The following YAE1 variants were observed in gnomAD, a reference collection of about 807,000 sequenced individuals.
The protein encoded by YAE1 is protein YAE1 homolog.
A neutral mutation model predicts 23.0 loss-of-function variants in YAE1; 22 were observed. The observed-to-expected ratio is 0.96, with a 90% confidence interval of 0.68 to 1.37. The LOEUF (loss-of-function observed/expected upper bound fraction) is 1.37. Ranked by LOEUF, YAE1 falls within the 40% of genes most tolerant of loss-of-function variation. YAE1 has a pLI of 0.00. For missense variants in YAE1, 260 were observed against 262.1 expected, an observed-to-expected ratio of 0.99 and a Z score of 0.06; for synonymous variants, 101 against 97.0, an observed-to-expected ratio of 1.04 and a Z score of -0.24.
At chr7:39,609,670 A>G in exon 3 of YAE1, 1 of 1,535,700 alleles carries the variant, frequency 6.5e-7, no homozygotes, top group Non-Finnish European at 8.7e-7. Flanking sequence ...AGGAGTCCGG[A>G]GGTTGGGACG....
At chr7:39,599,949 A>G (rs17714026) in intron 2 of YAE1, among the ~76,000 whole-genome samples, 1 of 152,286 alleles carries the variant, frequency 6.6e-6, no homozygotes, top group South Asian at 2.1e-4. Context: ...CATAGTATTC[A>G]ACAAATATTG....
At chr7:39,566,662 A>C (rs965020085) in intron 1 of YAE1, 115 bp downstream of exon 1, 1 of 1,430,032 alleles carries the variant, frequency 7.0e-7, no homozygotes, top group Non-Finnish European at 9.3e-7. Flanking sequence ...CTTTATCCCT[A>C]GGGACCCGGT....
At chr7:39,609,646 T>C in exon 3 of YAE1, 1 of 1,535,552 alleles carries the variant, frequency 6.5e-7, no homozygotes, top group Non-Finnish European at 8.7e-7. Context: ...CTACTGGGCT[T>C]GAGAGCCCCG....
intron 2 of YAE1, among the ~76,000 whole-genome samples, chr7:39,582,168 A>G (rs1002327833): frequency 6.6e-6 from 1 of 151,932 alleles, no homozygotes; most frequent in Non-Finnish European, 1.5e-5. Flanking sequence ...ATAGGACTAT[A>G]CCATGCCGGG....
At chr7:39,575,733 C>G (rs2115786386), downstream of YAE1, among the ~76,000 whole-genome samples, 1 of 152,298 alleles carries the variant, frequency 6.6e-6, no homozygotes, top group South Asian at 2.1e-4. Context: ...CATGCTGGAG[C>G]ACGAGTCTGC....
exon 3 of YAE1, chr7:39,610,065 G>T (rs1791188101): frequency 6.9e-7 from 1 of 1,442,208 alleles, no homozygotes; most frequent in Non-Finnish European, 9.1e-7. Flanking sequence ...CAGTGCTGCA[G>T]GTTTCTCCTG....
intron 2 of YAE1, among the ~76,000 whole-genome samples, chr7:39,603,879 C>T (rs1791090144): frequency 6.6e-6 from 1 of 152,056 alleles, no homozygotes; most frequent in South Asian, 2.1e-4. Flanking sequence ...TGAGGAAATT[C>T]AAAGAAATAT....
chr7:39,569,920 G>T, intron 1 of YAE1: 1 of 1,249,700 alleles, frequency 8.0e-7, no homozygotes, highest in Non-Finnish European at 1.2e-6. Flanking sequence ...ATTGTAAACT[G>T]TCCAGTCAGT....
At chr7:39,589,434 A>AT (rs1185210739) in intron 2 of YAE1, among the ~76,000 whole-genome samples, 1 of 152,060 alleles carries the variant, frequency 6.6e-6, no homozygotes, top group African/African-American at 2.4e-5. Flanking sequence ...CGCCTGGCTA[A>AT]TTTTTTTAAT....
intron 2 of YAE1, among the ~76,000 whole-genome samples, chr7:39,580,055 A>T (rs916441477): frequency 2.0e-5 from 3 of 152,200 alleles, no homozygotes; most frequent in Non-Finnish European, 4.4e-5. Flanking sequence ...TAAAAAAACA[A>T]AAAAAGCATA....
chr7:39,609,413 G>T (rs1046690104), intron 2 of YAE1: 8 of 651,600 alleles, frequency 1.2e-5, no homozygotes, highest in African/African-American at 3.7e-5. Flanking sequence ...CATCATGTGG[G>T]AACACTGGTT....
chr7:39,598,728 G>GACC (rs1791013118), intron 2 of YAE1, among the ~76,000 whole-genome samples: 1 of 149,392 alleles, frequency 6.7e-6, no homozygotes, highest in Non-Finnish European at 1.5e-5. Flanking sequence ...AGTGAGCTAT[G>GACC]ACCATGCCAC....
chr7:39,569,329 C>A, intron 1 of YAE1: 1 of 319,866 alleles, frequency 3.1e-6, no homozygotes, highest in Non-Finnish European at 6.3e-6. Flanking sequence ...AAGAAATAAT[C>A]AGTCTTCTGT....
At chr7:39,578,254 A>G (rs888047501) in intron 2 of YAE1, among the ~76,000 whole-genome samples, 2 of 152,192 alleles carry the variant, frequency 1.3e-5, no homozygotes, top group African/African-American at 4.8e-5. Flanking sequence ...GATTGTAAAT[A>G]CACCAATCAG....
At chr7:39,582,954 A>T (rs1463784230) in intron 2 of YAE1, among the ~76,000 whole-genome samples, 2 of 152,248 alleles carry the variant, frequency 1.3e-5, no homozygotes, top group Non-Finnish European at 2.9e-5. Flanking sequence ...ATCAAATCAA[A>T]GCCATTTATA....
chr7:39,583,886 A>G (rs17713951), intron 2 of YAE1, among the ~76,000 whole-genome samples: 2,243 of 152,322 alleles, frequency 0.015, 57 homozygotes, highest in East Asian at 0.13. Flanking sequence ...ATTGTAAAGA[A>G]TCTGCATATA....
chr7:39,575,295 T>C (rs1790636047), downstream of YAE1, among the ~76,000 whole-genome samples: 1 of 152,188 alleles, frequency 6.6e-6, no homozygotes. Context: ...AACCACACTT[T>C]TCTGACATTT....
At chr7:39,584,052 A>G (rs1228877690) in intron 2 of YAE1, among the ~76,000 whole-genome samples, 1 of 152,212 alleles carries the variant, frequency 6.6e-6, no homozygotes, top group Non-Finnish European at 1.5e-5. Flanking sequence ...CACAACCGCT[A>G]TCATGAAACT....
At chr7:39,570,738 C>A in intron 2 of YAE1, 111 bp downstream of exon 2, 2 of 1,349,814 alleles carry the variant, frequency 1.5e-6, no homozygotes, top group African/African-American at 1.5e-5. Flanking sequence ...GCTAAATACA[C>A]TAAAGCGTGT....
Sources: allele counts gnomAD v4.1 joint callset (sites outside exome capture counted in the v4.1 genomes callset), GRCh38; gene constraint gnomAD v4.1.1; transcripts MANE v1.5; gene names NCBI Gene and HGNC (gene_info 2026-07-23, HGNC 2026-07-21).